NFIB: variants seen among roughly 807,000 people sequenced by gnomAD.
The protein encoded by NFIB is nuclear factor I B.
A neutral mutation model predicts 61.5 loss-of-function variants in NFIB; 11 were observed. The ratio of observed to expected loss-of-function variants is 0.18; its 90% CI spans 0.11 to 0.30. The LOEUF (loss-of-function observed/expected upper bound fraction) is 0.30. NFIB is among the 10% of genes least tolerant of loss of function. The probability of loss-of-function intolerance (pLI) is 1.00; values close to 1 mark genes in which losing one functional copy is unlikely to be tolerated. For missense variants in NFIB, 471 were observed against 608.9 expected (o/e 0.77, Z 2.38); for synonymous variants, 260 against 216.5 (o/e 1.20, Z -1.76).
chr9:14,485,022 G>C, the NFIB span, among the ~76,000 whole-genome samples: 1 of 151,910 alleles, frequency 6.6e-6, no homozygotes, highest in Non-Finnish European at 1.5e-5. Flanking sequence ...GAGAGAGAGA[G>C]AGATTGATTG....
chr9:14,341,736 G>A (rs900291073), intron 1 of NFIB, among the ~76,000 whole-genome samples: 3 of 152,142 alleles, frequency 2.0e-5, no homozygotes, highest in African/African-American at 7.2e-5. Context: ...TGAAGCTGGG[G>A]GCTCATCCAT....
the NFIB span, among the ~76,000 whole-genome samples, chr9:14,484,439 A>T: frequency 6.6e-6 from 1 of 152,236 alleles, no homozygotes; most frequent in Non-Finnish European, 1.5e-5. Context: ...TCTTGCCCTT[A>T]TACCCAATCT....
At chr9:14,359,128 G>T (rs1168967580) in intron 1 of NFIB, among the ~76,000 whole-genome samples, 3 of 152,192 alleles carry the variant, frequency 2.0e-5, no homozygotes, top group Non-Finnish European at 2.9e-5. Flanking sequence ...CAAGATCAGG[G>T]TATACCCTTT....
rs553175293 is a variant in NFIB at position 14,360,311 on chromosome 9, T to C, written c.108+38213A>G. 8.5e-5 allele frequency among the ~76,000 whole-genome samples: 13 copies of C among 152,306 alleles called. No individual in the cohort carries two copies. In the East Asian group the frequency reaches 1.9e-3, roughly 23 times the overall value. On this transcript the variant is annotated intron_variant, in intron 1 of 8. Transcript: ENST00000380934. The stretch of plus-strand genomic sequence containing the variant: ...TAAGAAATTTGGTATAGCCCCCATA[T>C]TGAGGTCACTAGCAGTATGAACTTT...
chr9:14,204,980 C>A (rs899776230), intron 2 of NFIB: 1 of 310,916 alleles, frequency 3.2e-6, no homozygotes, highest in South Asian at 4.3e-5. Context: ...GGGTCCCAAG[C>A]CTGTGGCTTA....
intron 1 of NFIB, among the ~76,000 whole-genome samples, chr9:14,351,252 C>T (rs2061108204): frequency 6.6e-6 from 1 of 152,144 alleles, no homozygotes; most frequent in African/African-American, 2.4e-5. Flanking sequence ...TGCTTTAGCC[C>T]AATTCTCTTG....
At chr9:14,514,565 C>T in the NFIB span, among the ~76,000 whole-genome samples, 1 of 152,066 alleles carries the variant, frequency 6.6e-6, no homozygotes, top group African/African-American at 2.4e-5. Context: ...TTCCAGGAAG[C>T]ATTTATCATG....
intron 2 of NFIB, among the ~76,000 whole-genome samples, chr9:14,263,908 T>A (rs1448054817): frequency 6.6e-6 from 1 of 152,202 alleles, no homozygotes; most frequent in Non-Finnish European, 1.5e-5. Context: ...TATGTCCATG[T>A]CTCTCCTAAA....
chr9:14,334,153 A>G (rs889354478), intron 1 of NFIB, among the ~76,000 whole-genome samples: 16 of 152,230 alleles, frequency 1.1e-4, no homozygotes, highest in African/African-American at 1.9e-4. Flanking sequence ...TTTGAGGCCA[A>G]TATAAATAAT....
chr9:14,104,687 C>A (rs565315578), intron 10 of NFIB, among the ~76,000 whole-genome samples: 3 of 151,362 alleles, frequency 2.0e-5, no homozygotes, highest in Non-Finnish European at 2.9e-5. Context: ...ATCAAGTGAT[C>A]CTCCCACCTC....
At chr9:14,299,945 T>C (rs1468651539) in intron 2 of NFIB, among the ~76,000 whole-genome samples, 1 of 152,198 alleles carries the variant, frequency 6.6e-6, no homozygotes, top group Non-Finnish European at 1.5e-5. Context: ...TTCTGAATAA[T>C]ATAACAACCA....
chr9:14,094,907 G>T (rs2034537250), intron 10 of NFIB, among the ~76,000 whole-genome samples: 1 of 151,956 alleles, frequency 6.6e-6, no homozygotes, highest in Non-Finnish European at 1.5e-5. Flanking sequence ...TGTTCTTAGG[G>T]CACAGTGGAT....
the NFIB span, among the ~76,000 whole-genome samples, chr9:14,478,788 T>C: frequency 2.6e-5 from 4 of 152,212 alleles, no homozygotes; most frequent in African/African-American, 9.6e-5. Flanking sequence ...TCCTTGCACA[T>C]GCATATTTTC....
the NFIB span, among the ~76,000 whole-genome samples, chr9:14,518,826 A>C: frequency 0.18 from 27,342 of 152,084 alleles, 2,901 homozygotes; most frequent in East Asian, 0.4. Context: ...CAGGAACCTC[A>C]GGCCATATTT....
intron 4 of NFIB, among the ~76,000 whole-genome samples, chr9:14,150,557 T>A (rs955743356): frequency 6.6e-6 from 1 of 152,106 alleles, no homozygotes; most frequent in African/African-American, 2.4e-5. Context: ...TGACATTACA[T>A]CTGTCACTCT....
chr9:14,126,768 C>T (rs1054901975), intron 6 of NFIB, among the ~76,000 whole-genome samples: 2 of 152,210 alleles, frequency 1.3e-5, no homozygotes, highest in Non-Finnish European at 2.9e-5. Flanking sequence ...AAACAATTCC[C>T]CCAGAAACTA....
the NFIB span, among the ~76,000 whole-genome samples, chr9:14,454,821 A>G: frequency 6.6e-6 from 1 of 152,206 alleles, no homozygotes; most frequent in Non-Finnish European, 1.5e-5. Flanking sequence ...AGTGGAATTG[A>G]CATGTGTCAT....
intron 2 of NFIB, among the ~76,000 whole-genome samples, chr9:14,214,814 T>C (rs1272690468): frequency 1.3e-5 from 2 of 152,178 alleles, no homozygotes; most frequent in African/African-American, 2.4e-5. Context: ...CTGAGAGCTG[T>C]TTATCCCACA....
chr9:14,331,033 G>A (rs1184981264), intron 1 of NFIB, among the ~76,000 whole-genome samples: 1 of 152,094 alleles, frequency 6.6e-6, no homozygotes, highest in African/African-American at 2.4e-5. Context: ...TCTCTTCTGT[G>A]ACCAATTTAG....
Sources: allele counts gnomAD v4.1 joint callset (sites outside exome capture counted in the v4.1 genomes callset), GRCh38; gene constraint gnomAD v4.1.1; transcripts MANE v1.5; gene names NCBI Gene and HGNC (gene_info 2026-07-23, HGNC 2026-07-21).